MCM6: variants seen among roughly 807,000 people sequenced by gnomAD.
MCM6 encodes the protein minichromosome maintenance complex component 6.
Under a neutral mutation model 94.3 loss-of-function variants are expected in MCM6, and 46 were observed. That is an observed-to-expected ratio of 0.49 (90% confidence interval 0.39 to 0.62). The LOEUF (loss-of-function observed/expected upper bound fraction) is 0.62. Ranked by LOEUF, MCM6 falls within the 20% of genes least tolerant of loss-of-function variation. The pLI is 0.00. For synonymous variants in MCM6, 335 were observed against 351.9 expected (o/e 0.95, Z 0.54); for missense variants, 865 against 1,017.9 (o/e 0.85, Z 2.04).
rs148846768 is a variant in MCM6, at chr2:135,844,160, C to T, written c.2349+385G>A. Among the ~76,000 whole-genome samples, 29 of 151,228 alleles carry T rather than the reference C, an allele frequency of 1.9e-4. No individual in the cohort carries two copies. The East Asian group carries it at 5.0e-3, about 26-fold the overall frequency. ...TTATATTTAACCAAGTTTGGGGTTT[C>T]GCCAAGCAAGTAAGATGGAAGATTG... is the stretch of plus-strand genomic sequence containing the variant. On this transcript the variant is annotated intron_variant, in intron 16 of 16. Coordinates refer to ENST00000264156, the MANE Select transcript of MCM6 (RefSeq NM_005915.6).
chr2:135,865,126 G>A lies in MCM6; in HGVS notation c.965C>T (p.Ala322Val). ...AGTCATTTGGTTCTTAATGCTCTCA[G>A]CTGTCTGTTCCTCATCTCTGAGCTC... is the stretch of plus-strand genomic sequence containing the variant. ...GKELRDEEQT[A>V]ESIKNQMTVK... Residue 322 changes from alanine to valine, a missense_variant, in exon 7 of 17, where the codon GCT (alanine) becomes GTT (valine). Ala to Val is a moderately conservative substitution (Grantham distance 64). Coordinates refer to ENST00000264156, the MANE Select transcript of MCM6 (RefSeq NM_005915.6). 6.4e-7 allele frequency: 1 copy of A among 1,572,566 alleles called. No individual in the cohort carries two copies. The highest frequency in any genetic ancestry group is 8.6e-7 in the Non-Finnish European group (1 of 1,161,178).
chr2:135,868,631 T>G lies in MCM6; in HGVS notation c.595A>C (p.Arg199=). ...RRFLLDTNKS[R]FVDFQKVRIQ... is the part of the protein sequence containing the mutation. ...AATACCTTTTGAAAATCAACAAATC[T>G]TGATTTATTTGTATCCAGTAAGAAT... The change falls in exon 4 of 17, where the codon AGA becomes CGA. Residue 199 remains arginine, a synonymous_variant. Coordinates refer to ENST00000264156, the MANE Select transcript of MCM6 (RefSeq NM_005915.6). The G allele has an allele frequency of 6.2e-7, 1 of 1,613,962 alleles. No individual in the cohort carries two copies. The highest frequency in any genetic ancestry group is 2.2e-5 in the East Asian group (1 of 44,882).
At chr2:135,876,128 G>T in intron 1 of MCM6, 131 bp downstream of exon 1, 1 of 640,446 alleles carries the variant, frequency 1.6e-6, no homozygotes, top group Non-Finnish European at 2.4e-6. Flanking sequence ...AAAGTTGGGG[G>T]GCGGGCGGGG....
intron 8 of MCM6, among the ~76,000 whole-genome samples, chr2:135,861,565 A>T (rs1391483843): frequency 6.6e-6 from 1 of 152,238 alleles, no homozygotes; most frequent in African/African-American, 2.4e-5. Context: ...TGACAAAGTT[A>T]ACATAAAATA....
chr2:135,863,406 T>C (rs1011638908), intron 7 of MCM6, among the ~76,000 whole-genome samples: 4 of 152,196 alleles, frequency 2.6e-5, no homozygotes, highest in Non-Finnish European at 2.9e-5. Flanking sequence ...ACACAAGGCA[T>C]TCCTTAAAGC....
intron 15 of MCM6, 145 bp from the exon 16 acceptor site, chr2:135,844,829 G>A (rs763405610): frequency 1.4e-5 from 10 of 714,176 alleles, no homozygotes; most frequent in African/African-American, 9.2e-5. Flanking sequence ...CGTAAGGTCC[G>A]CAATGTTCTA....
chr2:135,853,665 G>A (rs1679816324), intron 11 of MCM6, among the ~76,000 whole-genome samples: 1 of 151,402 alleles, frequency 6.6e-6, no homozygotes. Context: ...GCCAGGATTT[G>A]AATAGTCTAG....
Position 135,868,604 on chromosome 2 carries a change from T to C in MCM6, c.615+7A>G, listed in dbSNP as rs984509696. Reference sequence around the variant, plus strand: ...GACTCTGATCTAAACAGATGTTAAATAAATACCTTTTGAAAATCAACAAAT... The same window carrying C: ...GACTCTGATCTAAACAGATGTTAAACAAATACCTTTTGAAAATCAACAAAT... On this transcript the variant is annotated splice_region_variant and intron_variant, in intron 4 of 16. Coordinates refer to ENST00000264156, the MANE Select transcript of MCM6 (RefSeq NM_005915.6). 1.4e-5 allele frequency: 23 copies of C among 1,613,470 alleles called. No individual in the cohort carries two copies. Among genetic ancestry groups the C allele is most frequent in the Non-Finnish European group, 1.9e-5 (22 of 1,179,450 alleles).
chr2:135,875,874 G>A (rs1680286255), intron 1 of MCM6, among the ~76,000 whole-genome samples: 1 of 152,230 alleles, frequency 6.6e-6, no homozygotes, highest in South Asian at 2.1e-4. Flanking sequence ...GAGATTCAAT[G>A]GCACTTCGGC....
chr2:135,856,092 G>A (rs1221480323), intron 11 of MCM6, among the ~76,000 whole-genome samples: 1 of 151,086 alleles, frequency 6.6e-6, no homozygotes, highest in Non-Finnish European at 1.5e-5. Context: ...CAAGGTGACT[G>A]AAAAATAAAA....
chr2:135,850,549 T>A (rs912939005), intron 13 of MCM6, among the ~76,000 whole-genome samples: 1 of 152,178 alleles, frequency 6.6e-6, no homozygotes, highest in Non-Finnish European at 1.5e-5. Flanking sequence ...TAACCTAGTG[T>A]GAAAGTACTT....
chr2:135,849,063 T>C (rs2105575224), intron 13 of MCM6, among the ~76,000 whole-genome samples: 1 of 152,252 alleles, frequency 6.6e-6, no homozygotes, highest in South Asian at 2.1e-4. Flanking sequence ...AAGACTTAAG[T>C]GGAAAGATAA....
chr2:135,841,072 G>C, intron 16 of MCM6, 121 bp from the exon 17 acceptor site: 1 of 719,348 alleles, frequency 1.4e-6, no homozygotes, highest in East Asian at 2.5e-5. Context: ...TTCCCAACTA[G>C]AAACTCCTAG....
chr2:135,841,428 T>TA (rs1161547851), intron 16 of MCM6, among the ~76,000 whole-genome samples: 32 of 150,564 alleles, frequency 2.1e-4, no homozygotes, highest in African/African-American at 5.1e-4. Context: ...TCTGAGCTAA[T>TA]AAAAAAAAAG....
Position 135,846,387 on chromosome 2 carries a change from C to CA in MCM6, c.2058dup (p.Ala687CysfsTer2). ...CCGTTCACAGGAGCAGGGCTGTCAG[C>CA]ATGACCTAAGTGAAAAATTGACCAC... On this transcript the variant is annotated frameshift_variant, in exon 15 of 17. Transcript: ENST00000264156. LOFTEE classifies it high-confidence loss of function. The CA allele has an allele frequency of 6.2e-7, 1 of 1,614,054 alleles. No homozygotes were observed. Among genetic ancestry groups the CA allele is most frequent in the Non-Finnish European group, 8.5e-7 (1 of 1,179,906 alleles).
At chr2:135,842,732 T>A (rs1312349949) in intron 16 of MCM6, among the ~76,000 whole-genome samples, 1 of 152,076 alleles carries the variant, frequency 6.6e-6, no homozygotes, top group Admixed American at 6.6e-5. Flanking sequence ...TCTAGGGAAA[T>A]GGACAAAGGG....
In MCM6 at chr2:135,865,182, G is replaced by T; in HGVS notation, c.928-19C>A. On this transcript the variant is annotated intron_variant, in intron 6 of 16. Coordinates refer to ENST00000264156, the MANE Select transcript of MCM6 (RefSeq NM_005915.6). ...CCCCAAACTAATGGTAGAGAACAAA[G>T]GAAGAATCATTAGTATAGAAGCAGT... is the stretch of plus-strand genomic sequence containing the variant. 2.1e-6 allele frequency: 3 copies of T among 1,449,874 alleles called. No homozygotes were observed. Among genetic ancestry groups the T allele is most frequent in the Non-Finnish European group, 1.8e-6 (2 of 1,098,118 alleles). 89.8% of individuals were successfully genotyped at this position (1,449,874 alleles called of 1,614,324 possible). A position where few individuals can be genotyped will look rare whatever the true frequency, so the allele number is the denominator to read the frequency against.
intron 7 of MCM6, among the ~76,000 whole-genome samples, chr2:135,863,430 G>C (rs1401543140): frequency 1.3e-5 from 2 of 152,198 alleles, no homozygotes; most frequent in Admixed American, 1.3e-4. Flanking sequence ...AAATTAGGCT[G>C]GGTGTGGTGG....
intron 15 of MCM6, 117 bp downstream of exon 15, chr2:135,846,120 T>C (rs3769003): frequency 0.022 from 22,580 of 1,014,552 alleles, 1,865 homozygotes; most frequent in African/African-American, 0.2. Flanking sequence ...TGAGTTTATC[T>C]AACAACTTAT....
Sources: allele counts gnomAD v4.1 joint callset (sites outside exome capture counted in the v4.1 genomes callset), GRCh38; gene constraint gnomAD v4.1.1; transcripts MANE v1.5; gene names NCBI Gene and HGNC (gene_info 2026-07-23, HGNC 2026-07-21).